GULP1: variants seen among roughly 807,000 people sequenced by gnomAD.
GULP1 encodes PTB domain-containing engulfment adapter protein 1.
Under a neutral mutation model 40.9 loss-of-function variants are expected in GULP1, and 19 were observed. The ratio of observed to expected loss-of-function variants is 0.46; its 90% CI spans 0.32 to 0.68. GULP1 has a LOEUF of 0.68. Among genes scored for constraint, GULP1 ranks in the 30% least tolerant of loss-of-function variants. GULP1 has a pLI of 0.03. For synonymous variants in GULP1, 119 were observed against 117.6 expected, an observed-to-expected ratio of 1.01 and a Z score of -0.08; for missense variants, 312 against 362.2, an observed-to-expected ratio of 0.86 and a Z score of 1.12.
At chr2:188,545,305 AGAT>A (rs1328860487) in intron 7 of GULP1, among the ~76,000 whole-genome samples, 7 of 151,924 alleles carry the variant, frequency 4.6e-5, no homozygotes, top group Non-Finnish European at 1.0e-4. Flanking sequence ...AAAAAAAACA[AGAT>A]GAGCAAACAT....
Position 188,570,023 on chromosome 2 carries a change from T to C in GULP1, c.517-5T>C. ...AAAGTTATTCAATAATGATTTTCTT[T>C]TTAGATCCAAGACTTAGAAACAGAA... On this transcript the variant is annotated splice_region_variant and splice_polypyrimidine_tract_variant and intron_variant, in intron 8 of 11. Transcript: ENST00000409830. 1 of 1,114,332 alleles carries C rather than the reference T, an allele frequency of 9.0e-7. No individual in the cohort carries two copies. Among genetic ancestry groups the C allele is most frequent in the Non-Finnish European group, 1.3e-6 (1 of 755,930 alleles). 69.0% of individuals were successfully genotyped at this position (1,114,332 alleles called of 1,614,324 possible). A position where few individuals can be genotyped will look rare whatever the true frequency, so the allele number is the denominator to read the frequency against.
intron 1 of GULP1, among the ~76,000 whole-genome samples, chr2:188,346,527 C>G (rs974262468): frequency 3.3e-5 from 5 of 151,140 alleles, no homozygotes; most frequent in African/African-American, 1.2e-4. Flanking sequence ...GAGTCTTGCT[C>G]TGTTGCCCAG....
At chr2:188,511,838 A>T (rs989970391) in intron 4 of GULP1, among the ~76,000 whole-genome samples, 31 of 152,174 alleles carry the variant, frequency 2.0e-4, no homozygotes, top group African/African-American at 7.2e-4. Flanking sequence ...TATTTTAAAA[A>T]TTTTCTATCA....
At chr2:188,416,427 C>T (rs1170673981) in intron 2 of GULP1, among the ~76,000 whole-genome samples, 1 of 152,128 alleles carries the variant, frequency 6.6e-6, no homozygotes, top group Non-Finnish European at 1.5e-5. Context: ...GAAAGGCCAA[C>T]TAGAGGTTAA....
intron 7 of GULP1, among the ~76,000 whole-genome samples, chr2:188,557,055 A>G (rs1272319736): frequency 2.0e-5 from 3 of 151,846 alleles, no homozygotes; most frequent in Non-Finnish European, 4.4e-5. Flanking sequence ...ATCTACCACC[A>G]TGTTCCAATC....
chr2:188,555,834 G>A (rs897998719), intron 7 of GULP1, among the ~76,000 whole-genome samples: 30 of 152,202 alleles, frequency 2.0e-4, no homozygotes, highest in African/African-American at 6.7e-4. Context: ...GCCAGGAAAG[G>A]TGGATAATGA....
At chr2:188,424,013 T>C (rs1039017762) in intron 2 of GULP1, among the ~76,000 whole-genome samples, 2 of 151,854 alleles carry the variant, frequency 1.3e-5, no homozygotes, top group Non-Finnish European at 3.0e-5. Context: ...TTTCATTTAA[T>C]ATAGGCTTTA....
chr2:188,447,748 T>C (rs544061992), intron 2 of GULP1, among the ~76,000 whole-genome samples: 1 of 152,304 alleles, frequency 6.6e-6, no homozygotes, highest in Non-Finnish European at 1.5e-5. Flanking sequence ...ATAGATAGTA[T>C]ATCAACTCTT....
intron 2 of GULP1, among the ~76,000 whole-genome samples, chr2:188,414,216 CAAAAAAAAAAA>C (rs774779119): frequency 2.2e-5 from 1 of 44,688 alleles, no homozygotes; most frequent in African/African-American, 9.1e-5. Flanking sequence ...GACTCCATCT[CAAAAAAAAAAA>C]AAAAAAAAAG....
chr2:188,567,285 A>C (rs1358656273), intron 7 of GULP1, among the ~76,000 whole-genome samples: 1 of 152,242 alleles, frequency 6.6e-6, no homozygotes, highest in African/African-American at 2.4e-5. Flanking sequence ...TACTGGGTAT[A>C]TACCCAAAGG....
intron 4 of GULP1, among the ~76,000 whole-genome samples, chr2:188,500,827 C>T (rs2063360499): frequency 2.0e-5 from 3 of 151,874 alleles, no homozygotes; most frequent in Non-Finnish European, 4.4e-5. Flanking sequence ...AATTCTCTTC[C>T]CTTAATTCGT....
At chr2:188,293,829 A>C (rs1574154914) in intron 1 of GULP1, 1 of 152,460 alleles carries the variant, frequency 6.6e-6, no homozygotes, top group East Asian at 1.9e-4. Context: ...GACTGAGCTC[A>C]GTAGCCAGGC....
chr2:188,594,985 C>T lies in GULP1; in HGVS notation c.*974C>T, dbSNP rs1350038119. 2 of 150,340 alleles carry T rather than the reference C, an allele frequency of 1.3e-5. No individual in the cohort carries two copies. The highest frequency in any genetic ancestry group is 3.0e-5 in the Non-Finnish European group (2 of 67,488). 9.3% of individuals were successfully genotyped at this position (150,340 alleles called of 1,614,324 possible). On this transcript the variant is annotated 3_prime_UTR_variant, in exon 12 of 12. Transcript: ENST00000409830. ...TTGATACTTTAAAATCTGTGGCACC[C>T]GTTCTACATGAATTATCAATATTTG...
intron 2 of GULP1, among the ~76,000 whole-genome samples, chr2:188,400,515 A>G (rs987604152): frequency 1.3e-5 from 2 of 152,164 alleles, no homozygotes; most frequent in African/African-American, 4.8e-5. Flanking sequence ...CTAGTGTAAC[A>G]GATGGTAAGG....
At chr2:188,345,493 G>C (rs1204687518) in intron 1 of GULP1, among the ~76,000 whole-genome samples, 2 of 152,144 alleles carry the variant, frequency 1.3e-5, no homozygotes, top group Non-Finnish European at 2.9e-5. Context: ...AATAACCATG[G>C]TCAAGTGCTG....
intron 4 of GULP1, among the ~76,000 whole-genome samples, chr2:188,506,472 T>A (rs2063929313): frequency 6.6e-6 from 1 of 152,006 alleles, no homozygotes; most frequent in African/African-American, 2.4e-5. Flanking sequence ...TAAAATACTT[T>A]TAGTTCTCCC....
chr2:188,379,809 G>A (rs1212244298), intron 1 of GULP1, among the ~76,000 whole-genome samples: 2 of 151,988 alleles, frequency 1.3e-5, no homozygotes, highest in Non-Finnish European at 2.9e-5. Context: ...GCCTATCCTT[G>A]AAGATGGCGT....
intron 2 of GULP1, among the ~76,000 whole-genome samples, chr2:188,437,636 T>C (rs969019081): frequency 1.3e-5 from 2 of 152,118 alleles, no homozygotes; most frequent in Non-Finnish European, 2.9e-5. Context: ...GAATGTTCAT[T>C]GCAGTGCTAT....
intron 1 of GULP1, among the ~76,000 whole-genome samples, chr2:188,340,414 G>T (rs549537410): frequency 2.0e-5 from 3 of 152,126 alleles, no homozygotes; most frequent in Non-Finnish European, 4.4e-5. Context: ...TCTACCCCTC[G>T]CGGGAGGGGG....
Sources: allele counts gnomAD v4.1 joint callset (sites outside exome capture counted in the v4.1 genomes callset), GRCh38; gene constraint gnomAD v4.1.1; transcripts MANE v1.5; gene names NCBI Gene and HGNC (gene_info 2026-07-23, HGNC 2026-07-21).